Variants in PRKG1 observed in about 807,000 individuals in gnomAD.
The protein encoded by PRKG1 is protein kinase cGMP-dependent 1.
A neutral mutation model predicts 88.1 loss-of-function variants in PRKG1; 35 were observed. The ratio of observed to expected loss-of-function variants is 0.40; its 90% confidence interval spans 0.30 to 0.53. The LOEUF (loss-of-function observed/expected upper bound fraction) is 0.53. Among genes scored for constraint, PRKG1 ranks in the 20% least tolerant of loss-of-function variants. The pLI is 0.59. For synonymous variants in PRKG1, 303 were observed against 292.5 expected, an observed-to-expected ratio of 1.04 and a Z score of -0.37; for missense variants, 540 against 839.8, an observed-to-expected ratio of 0.64 and a Z score of 4.41.
chr10:51,618,585 C>A (rs1009259187), intron 3 of PRKG1, among the ~76,000 whole-genome samples: 5 of 152,062 alleles, frequency 3.3e-5, no homozygotes, highest in African/African-American at 1.2e-4. Flanking sequence ...TGAATAGGTA[C>A]TATTATAGTC....
chr10:51,326,685 T>C (rs1198268818), intron 2 of PRKG1, among the ~76,000 whole-genome samples: 2 of 152,198 alleles, frequency 1.3e-5, no homozygotes, highest in Admixed American at 6.5e-5. Flanking sequence ...ACGATTTCTT[T>C]ATCATAAATA....
Position 51,034,668 on chromosome 10 carries a change from T to TTTTATATATATATATATA in PRKG1, c.266+43025_266+43026insTTATATATATATATATAT, listed in dbSNP as rs9299454. 2.3e-4 allele frequency among the ~76,000 whole-genome samples: 16 copies of TTTTATATATATATATATA among 68,186 alleles called. 1 individual carries two copies. Among genetic ancestry groups the TTTTATATATATATATATA allele is most frequent in the Non-Finnish European group, 4.1e-4 (15 of 36,470 alleles). The allele number at this position is 68,186 out of a possible 152,430, so 44.7% of individuals were successfully genotyped here. On this transcript the variant is annotated intron_variant, in intron 1 of 17. Coordinates refer to the PRKG1 transcript ENST00000401604. ...AGCAAAATTATATATAATATGTTAT[T>TTTTATATATATATATATA]TATATATATATATATATATATATAT...
chr10:51,669,251 G>C (rs1257474390), intron 3 of PRKG1, among the ~76,000 whole-genome samples: 1 of 152,210 alleles, frequency 6.6e-6, no homozygotes, highest in Admixed American at 6.5e-5. Flanking sequence ...CGCCAGCATA[G>C]TTGGGTTCCG....
chr10:51,511,297 C>G (rs996019257), intron 3 of PRKG1, among the ~76,000 whole-genome samples: 1 of 152,018 alleles, frequency 6.6e-6, no homozygotes, highest in African/African-American at 2.4e-5. Flanking sequence ...GCTAATTCCA[C>G]TGGATTTTAC....
intron 2 of PRKG1, among the ~76,000 whole-genome samples, chr10:51,351,205 G>A (rs1842236759): frequency 6.6e-6 from 1 of 152,146 alleles, no homozygotes. Context: ...TGTGAACAGT[G>A]CCGCAATAAA....
intron 1 of PRKG1, among the ~76,000 whole-genome samples, chr10:50,997,612 T>C (rs182306166): frequency 8.5e-5 from 13 of 152,306 alleles, no homozygotes; most frequent in Non-Finnish European, 1.5e-4. Flanking sequence ...TCATTTGCCA[T>C]TGAGAATCTG....
chr10:52,035,562 G>A (rs1845586360), intron 5 of PRKG1, among the ~76,000 whole-genome samples: 1 of 152,058 alleles, frequency 6.6e-6, no homozygotes, highest in South Asian at 2.1e-4. Context: ...GGAAATTTGG[G>A]GAAATGGGGT....
intron 3 of PRKG1, among the ~76,000 whole-genome samples, chr10:51,677,454 G>A (rs746864484): frequency 5.9e-5 from 9 of 152,168 alleles, no homozygotes; most frequent in African/African-American, 9.7e-5. Context: ...AATGCAAAGT[G>A]TGCAAAGTTT....
chr10:51,976,636 T>A (rs950147419), intron 5 of PRKG1, among the ~76,000 whole-genome samples: 5 of 151,988 alleles, frequency 3.3e-5, no homozygotes, highest in Non-Finnish European at 5.9e-5. Flanking sequence ...CTGCTAATTG[T>A]CACATGTTTT....
At chr10:51,444,057 T>C (rs567314758) in intron 2 of PRKG1, among the ~76,000 whole-genome samples, 1 of 151,808 alleles carries the variant, frequency 6.6e-6, no homozygotes, top group East Asian at 1.9e-4. Flanking sequence ...AAAAAATGCT[T>C]TCTTACATAA....
chr10:52,170,481 A>C (rs1248034705), intron 9 of PRKG1, among the ~76,000 whole-genome samples: 5 of 152,184 alleles, frequency 3.3e-5, no homozygotes, highest in Admixed American at 3.3e-4. Context: ...AGAGAGATGC[A>C]CAAAAACATT....
intron 2 of PRKG1, among the ~76,000 whole-genome samples, chr10:51,189,642 T>TA (rs1343015921): frequency 2.8e-4 from 42 of 152,070 alleles, no homozygotes; most frequent in African/African-American, 7.5e-4. Flanking sequence ...ATTGAATGCC[T>TA]ATTAAACACA....
intron 2 of PRKG1, among the ~76,000 whole-genome samples, chr10:51,292,712 A>G (rs980994210): frequency 1.3e-5 from 2 of 152,186 alleles, no homozygotes; most frequent in African/African-American, 2.4e-5. Context: ...TTTTTCAGCT[A>G]TAGCAAAATA....
chr10:51,926,888 G>A (rs867544456), intron 5 of PRKG1, among the ~76,000 whole-genome samples: 2 of 151,044 alleles, frequency 1.3e-5, no homozygotes, highest in Admixed American at 6.6e-5. Flanking sequence ...AGTTCTACCT[G>A]GTAATTGTAA....
At chr10:51,039,633 G>T (rs574932655) in intron 1 of PRKG1, among the ~76,000 whole-genome samples, 1 of 152,066 alleles carries the variant, frequency 6.6e-6, no homozygotes, top group African/African-American at 2.4e-5. Flanking sequence ...TGCTTTGGCT[G>T]CCTGTGCTTT....
chr10:52,061,486 G>C (rs1188215067), intron 6 of PRKG1, among the ~76,000 whole-genome samples: 1 of 152,068 alleles, frequency 6.6e-6, no homozygotes, highest in Non-Finnish European at 1.5e-5. Context: ...AGTAGAGCTT[G>C]AGGGAGAAGT....
intron 7 of PRKG1, among the ~76,000 whole-genome samples, chr10:52,079,668 T>TG (rs1846719690): frequency 3.3e-5 from 5 of 152,162 alleles, no homozygotes; most frequent in Admixed American, 3.3e-4. Context: ...CAGTTGGATA[T>TG]GTGGGCTACT....
At chr10:52,083,310 T>C (rs1846827574) in intron 7 of PRKG1, among the ~76,000 whole-genome samples, 1 of 152,098 alleles carries the variant, frequency 6.6e-6, no homozygotes, top group South Asian at 2.1e-4. Context: ...AATTGATTTT[T>C]GAAGTAGTTA....
At chr10:51,234,925 A>G (rs1362913045) in intron 2 of PRKG1, among the ~76,000 whole-genome samples, 2 of 152,210 alleles carry the variant, frequency 1.3e-5, no homozygotes, top group Non-Finnish European at 2.9e-5. Context: ...CTGTGAATAG[A>G]CACATTTTAC....
Sources: gnomAD v4.1 joint callset for allele counts (sites outside exome capture counted in the v4.1 genomes callset) on GRCh38, gnomAD v4.1.1 for gene constraint, MANE v1.5 for transcripts, NCBI Gene and HGNC (gene_info 2026-07-23, HGNC 2026-07-21) for gene names.